Variants in GPC6 observed in about 807,000 individuals in gnomAD.
The protein encoded by GPC6 is glypican-6.
A neutral mutation model predicts 55.2 loss-of-function variants in GPC6; 14 were observed. That is an observed-to-expected ratio of 0.25 (90% CI 0.17 to 0.40). The LOEUF is 0.40. GPC6 is among the 10% of genes least tolerant of loss of function. The probability of loss-of-function intolerance (pLI) is 1.00; values close to 1 mark genes in which losing one functional copy is unlikely to be tolerated. For missense variants in GPC6, 641 were observed against 708.5 expected (o/e 0.90, Z 1.08); for synonymous variants, 278 against 259.6 (o/e 1.07, Z -0.68).
chr13:93,629,334 C>T lies in GPC6; in HGVS notation c.319+83913C>T, dbSNP rs982415465. On this transcript the variant is annotated intron_variant, in intron 2 of 8. Transcript: ENST00000377047. ...GCCTGTTATATCTAGTAGAAAAATA[C>T]ATATGCATACATTTTTGAATGATTA... Among the ~76,000 whole-genome samples, 6 of 152,016 alleles carry T rather than the reference C, an allele frequency of 3.9e-5. No homozygotes were observed. The East Asian group carries it at 1.2e-3, about 29-fold the overall frequency.
intron 2 of GPC6, among the ~76,000 whole-genome samples, chr13:93,675,188 A>G (rs1414836482): frequency 1.3e-5 from 2 of 152,076 alleles, no homozygotes; most frequent in East Asian, 1.9e-4. Flanking sequence ...CTTAAAACCT[A>G]TTTCTAATGT....
chr13:94,302,200 CAG>C (rs1875686746), intron 5 of GPC6, among the ~76,000 whole-genome samples: 1 of 152,202 alleles, frequency 6.6e-6, no homozygotes, highest in Non-Finnish European at 1.5e-5. Flanking sequence ...TTATGAAAAA[CAG>C]AAATTTATTT....
chr13:93,916,662 G>T (rs1387174385), intron 3 of GPC6, among the ~76,000 whole-genome samples: 1 of 152,030 alleles, frequency 6.6e-6, no homozygotes, highest in Non-Finnish European at 1.5e-5. Context: ...TAGAAGAGGT[G>T]CCATAAAATC....
rs111593135 is a variant in GPC6, at chr13:93,438,363, A to G, written c.161-106900A>G. ...TTCTATGAGGCATCTGGGCAAAGTCAATTGAAAACCTTTTGGAAAGTATTC... is the reference window on the plus strand; with the variant it reads ...TTCTATGAGGCATCTGGGCAAAGTCGATTGAAAACCTTTTGGAAAGTATTC... On this transcript the variant is annotated intron_variant, in intron 1 of 8. Transcript: ENST00000377047. Among the ~76,000 whole-genome samples the G allele has an allele frequency of 3.5e-3, 535 of 152,316 alleles. 5 individuals are homozygous for G. The highest frequency in any genetic ancestry group is 0.012 in the African/African-American group (515 of 41,578).
chr13:93,230,073 G>T (rs1332545058), intron 1 of GPC6, among the ~76,000 whole-genome samples: 2 of 151,846 alleles, frequency 1.3e-5, no homozygotes, highest in East Asian at 3.9e-4. Context: ...TTTATCCTTT[G>T]CCTTGATTGG....
chr13:93,269,273 A>G (rs1006884074), intron 1 of GPC6, among the ~76,000 whole-genome samples: 2 of 152,132 alleles, frequency 1.3e-5, no homozygotes, highest in Non-Finnish European at 2.9e-5. Context: ...TCAGGGTTCT[A>G]TTAGTGAAAA....
intron 5 of GPC6, among the ~76,000 whole-genome samples, chr13:94,288,965 A>AGATG (rs1874788733): frequency 1.4e-5 from 2 of 139,884 alleles, no homozygotes; most frequent in African/African-American, 5.6e-5. Flanking sequence ...ATAGATAGAT[A>AGATG]GATAGATAAT....
At chr13:93,812,271 C>T (rs1886720279) in intron 2 of GPC6, among the ~76,000 whole-genome samples, 1 of 151,900 alleles carries the variant, frequency 6.6e-6, no homozygotes, top group Non-Finnish European at 1.5e-5. Context: ...TGCCCATAGT[C>T]CCAGCTACTT....
intron 4 of GPC6, among the ~76,000 whole-genome samples, chr13:94,103,904 T>A (rs1271067560): frequency 7.2e-5 from 11 of 152,192 alleles, no homozygotes; most frequent in African/African-American, 2.7e-4. Flanking sequence ...CCCATTTGTC[T>A]ATTTTGGCTT....
chr13:94,296,045 G>T (rs1282143638), intron 5 of GPC6, among the ~76,000 whole-genome samples: 1 of 152,032 alleles, frequency 6.6e-6, no homozygotes, highest in African/African-American at 2.4e-5. Flanking sequence ...ATTCCTGCTT[G>T]TAATATTGCT....
intron 4 of GPC6, among the ~76,000 whole-genome samples, chr13:94,121,031 T>A (rs1886612381): frequency 6.6e-6 from 1 of 152,002 alleles, no homozygotes; most frequent in Non-Finnish European, 1.5e-5. Context: ...TTAAAAAGAT[T>A]AATGGGAGGG....
chr13:93,320,353 T>C (rs1879393640), intron 1 of GPC6, among the ~76,000 whole-genome samples: 1 of 151,890 alleles, frequency 6.6e-6, no homozygotes. Flanking sequence ...GATTCCCTTA[T>C]ATATATAAAT....
chr13:93,912,790 G>A (rs1384241484), intron 3 of GPC6, among the ~76,000 whole-genome samples: 1 of 152,138 alleles, frequency 6.6e-6, no homozygotes, highest in African/African-American at 2.4e-5. Flanking sequence ...TTCTCCTGCA[G>A]TTCTAGAGGC....
At chr13:93,877,372 A>T (rs773724392) in intron 3 of GPC6, among the ~76,000 whole-genome samples, 1 of 152,078 alleles carries the variant, frequency 6.6e-6, no homozygotes, top group Non-Finnish European at 1.5e-5. Context: ...GGCATTATTT[A>T]TAAACCCACT....
chr13:93,586,709 T>C (rs934138544), intron 2 of GPC6, among the ~76,000 whole-genome samples: 3 of 152,158 alleles, frequency 2.0e-5, no homozygotes, highest in Admixed American at 6.6e-5. Context: ...CAAATTACAG[T>C]AATTTCCAGG....
At chr13:93,544,894 C>A (rs188236823) in intron 1 of GPC6, among the ~76,000 whole-genome samples, 2 of 152,140 alleles carry the variant, frequency 1.3e-5, no homozygotes, top group East Asian at 3.9e-4. Context: ...GTGTCTTTTG[C>A]CTTACTTGAG....
intron 2 of GPC6, among the ~76,000 whole-genome samples, chr13:93,654,573 C>A (rs1006057087): frequency 1.3e-5 from 2 of 152,044 alleles, no homozygotes; most frequent in African/African-American, 4.8e-5. Flanking sequence ...GGTGATCCAC[C>A]CGCCTCAGCC....
At chr13:94,401,180 T>C (rs1342149575) in intron 8 of GPC6, among the ~76,000 whole-genome samples, 2 of 152,210 alleles carry the variant, frequency 1.3e-5, no homozygotes, top group Non-Finnish European at 2.9e-5. Flanking sequence ...CAAGTATTTG[T>C]TGAGCACTTG....
chr13:94,363,565 C>T (rs775639959), intron 6 of GPC6, among the ~76,000 whole-genome samples: 1 of 152,106 alleles, frequency 6.6e-6, no homozygotes, highest in Non-Finnish European at 1.5e-5. Flanking sequence ...AGCTAATAGC[C>T]CACCTTTAGT....
Sources: gnomAD v4.1 joint callset for allele counts (sites outside exome capture counted in the v4.1 genomes callset) on GRCh38, gnomAD v4.1.1 for gene constraint, MANE v1.5 for transcripts, NCBI Gene and HGNC (gene_info 2026-07-23, HGNC 2026-07-21) for gene names.